Variants in KANK1 observed in about 807,000 individuals in gnomAD.
KANK1 encodes KN motif and ankyrin repeat domains 1.
A neutral mutation model predicts 106.2 loss-of-function variants in KANK1; 109 were observed. The ratio of observed to expected loss-of-function variants is 1.03; its 90% CI spans 0.88 to 1.20. The LOEUF (loss-of-function observed/expected upper bound fraction) is 1.20. Ranked by LOEUF, KANK1 falls within the 50% of genes most tolerant of loss-of-function variation. KANK1 has a pLI of 0.00. For missense variants in KANK1, 2,399 were observed against 1,710.7 expected, an observed-to-expected ratio of 1.40 and a Z score of -7.10; for synonymous variants, 873 against 652.2, an observed-to-expected ratio of 1.34 and a Z score of -5.16.
intron 2 of KANK1, among the ~76,000 whole-genome samples, chr9:694,605 G>T (rs924349302): frequency 6.6e-6 from 1 of 152,188 alleles, no homozygotes; most frequent in African/African-American, 2.4e-5. Context: ...GAGGGCCACT[G>T]TATAAACCGC....
chr9:609,932 A>G (rs1367031994), intron 1 of KANK1, among the ~76,000 whole-genome samples: 1 of 152,084 alleles, frequency 6.6e-6, no homozygotes, highest in African/African-American at 2.4e-5. Context: ...TTATACATAT[A>G]TTTATGTGGT....
At chr9:659,782 C>G (rs916926679) in intron 1 of KANK1, among the ~76,000 whole-genome samples, 4 of 151,962 alleles carry the variant, frequency 2.6e-5, no homozygotes, top group African/African-American at 9.7e-5. Flanking sequence ...TCACTTCCCA[C>G]CAGGCCCCTC....
intron 3 of KANK1, 85 bp downstream of exon 3, chr9:713,549 G>A: frequency 7.0e-7 from 1 of 1,426,562 alleles, no homozygotes; most frequent in Non-Finnish European, 9.4e-7. Flanking sequence ...TTTAACTGCT[G>A]GAACCATTTT....
chr9:689,661 A>G (rs1368117945), intron 2 of KANK1, among the ~76,000 whole-genome samples: 1 of 152,168 alleles, frequency 6.6e-6, no homozygotes, highest in Non-Finnish European at 1.5e-5. Flanking sequence ...TGCTGTGGAA[A>G]GGGCCATACC....
chr9:520,198 T>G (rs1197422797), intron 1 of KANK1, among the ~76,000 whole-genome samples: 1 of 151,614 alleles, frequency 6.6e-6, no homozygotes, highest in Non-Finnish European at 1.5e-5. Flanking sequence ...ATTAGCCGTG[T>G]GTGGTAGCAC....
chr9:571,583 A>T (rs11790533), intron 1 of KANK1, among the ~76,000 whole-genome samples: 36,081 of 149,514 alleles, frequency 0.24, 4,458 homozygotes, highest in Admixed American at 0.33. Context: ...AAAAAATTTT[A>T]AAAACGTTTT....
chr9:691,844 T>G (rs1472224269), intron 2 of KANK1, among the ~76,000 whole-genome samples: 1 of 150,626 alleles, frequency 6.6e-6, no homozygotes, highest in Admixed American at 6.7e-5. Context: ...CTCAAACTCC[T>G]GGGCTCAAGT....
At chr9:656,271 G>C (rs528241935) in intron 1 of KANK1, among the ~76,000 whole-genome samples, 1 of 152,314 alleles carries the variant, frequency 6.6e-6, no homozygotes, top group East Asian at 1.9e-4. Flanking sequence ...GAAGGAGAGA[G>C]GGAGAGACAA....
rs1055901625 is a variant in KANK1, at chr9:740,871, G to A, written c.3633G>A (p.Glu1211=). ...MLAALAAVEA[E]KDMRIVEELF... ...CGGCCCTCGCCGCTGTGGAAGCAGAGAAGGACATGCGGATTGTGGAAGAAC... is the reference window on the plus strand; with the variant it reads ...CGGCCCTCGCCGCTGTGGAAGCAGAAAAGGACATGCGGATTGTGGAAGAAC... The change falls in exon 9 of 12, where the codon GAG becomes GAA. Residue 1211 remains glutamate (E), a synonymous_variant. Coordinates refer to ENST00000382297, the MANE Select transcript of KANK1 (RefSeq NM_015158.5). The A allele has an allele frequency of 5.6e-6, 9 of 1,614,086 alleles. No individual in the cohort carries two copies. Among genetic ancestry groups the A allele is most frequent in the Non-Finnish European group, 7.6e-6 (9 of 1,180,026 alleles).
intron 1 of KANK1, among the ~76,000 whole-genome samples, chr9:526,689 C>G (rs1324363081): frequency 6.6e-6 from 1 of 151,868 alleles, no homozygotes; most frequent in African/African-American, 2.4e-5. Flanking sequence ...CTTTTCCCAC[C>G]TGATTCCCTC....
intron 2 of KANK1, among the ~76,000 whole-genome samples, chr9:700,782 A>AGT: frequency 6.6e-6 from 1 of 152,302 alleles, no homozygotes; most frequent in East Asian, 1.9e-4. Context: ...ACACATAAAT[A>AGT]GTGTGTGAAA....
chr9:625,110 G>T (rs1834041576), intron 1 of KANK1, among the ~76,000 whole-genome samples: 1 of 152,192 alleles, frequency 6.6e-6, no homozygotes, highest in Non-Finnish European at 1.5e-5. Flanking sequence ...TTAGCGTCCT[G>T]GGCAAACCCA....
intron 1 of KANK1, among the ~76,000 whole-genome samples, chr9:655,827 C>G (rs1044420886): frequency 6.6e-6 from 1 of 152,204 alleles, no homozygotes; most frequent in African/African-American, 2.4e-5. Context: ...TTTGTTTTTG[C>G]TTCTCCCTAC....
At chr9:604,868 G>A (rs1339527148) in intron 1 of KANK1, among the ~76,000 whole-genome samples, 1 of 151,806 alleles carries the variant, frequency 6.6e-6, no homozygotes, top group African/African-American at 2.4e-5. Flanking sequence ...GGCTTCCCCA[G>A]CCATGCAGAA....
chr9:502,962 G>A (rs2058587691), upstream of KANK1, among the ~76,000 whole-genome samples: 2 of 150,358 alleles, frequency 1.3e-5, no homozygotes, highest in Admixed American at 6.6e-5. Flanking sequence ...AGCCTCCAGA[G>A]TAGCTGGGAC....
intron 2 of KANK1, among the ~76,000 whole-genome samples, chr9:707,544 G>C: frequency 1.8e-5 from 1 of 55,366 alleles, no homozygotes; most frequent in Non-Finnish European, 3.6e-5. Context: ...CAGTCCTGGA[G>C]ACAGGTCTGG....
chr9:665,374 T>C (rs1310833042), intron 1 of KANK1, among the ~76,000 whole-genome samples: 1 of 152,238 alleles, frequency 6.6e-6, no homozygotes, highest in African/African-American at 2.4e-5. Context: ...AGTTTCATTC[T>C]TCTACATACA....
intron 1 of KANK1, among the ~76,000 whole-genome samples, 189 bp downstream of exon 1, chr9:504,943 C>T (rs1463817894): frequency 7.3e-5 from 11 of 150,532 alleles, no homozygotes; most frequent in African/African-American, 2.4e-4. Context: ...GTGAACCCGG[C>T]GGCCTCGGGG....
chr9:604,129 C>G (rs957671304), intron 1 of KANK1, among the ~76,000 whole-genome samples: 4 of 151,642 alleles, frequency 2.6e-5, no homozygotes, highest in Non-Finnish European at 5.9e-5. Context: ...AATGTTACAG[C>G]TGATATTCAA....
Sources: allele counts gnomAD v4.1 joint callset (sites outside exome capture counted in the v4.1 genomes callset), GRCh38; gene constraint gnomAD v4.1.1; transcripts MANE v1.5; gene names NCBI Gene and HGNC (gene_info 2026-07-23, HGNC 2026-07-21).